COL24A1: variants seen among roughly 807,000 people sequenced by gnomAD.
COL24A1 encodes the protein collagen type XXIV alpha 1 chain.
In COL24A1, 224 loss-of-function variants were observed where a neutral mutation model predicts 253.9. That is an observed-to-expected ratio of 0.88 (90% CI 0.79 to 0.99). COL24A1 has a LOEUF of 0.99. Ranked by LOEUF, COL24A1 falls within the 50% of genes least tolerant of loss-of-function variation. The pLI is 0.00. For synonymous variants in COL24A1, 685 were observed against 673.7 expected (o/e 1.02, Z -0.26); for missense variants, 2,131 against 2,068.5 (o/e 1.03, Z -0.59).
Position 85,868,834 on chromosome 1 carries a change from C to T in COL24A1, c.3140G>A (p.Gly1047Asp), listed in dbSNP as rs1322684484. The change falls in exon 36 of 60, where the codon GGT becomes GAT. Residue 1047 changes from glycine to aspartate, a missense_variant and splice_region_variant. Physicochemically the swap from Gly to Asp is moderately conservative, Grantham distance 94. Coordinates refer to ENST00000370571, the MANE Select transcript of COL24A1 (RefSeq NM_152890.7). Reference protein sequence around the residue: ...VGGTGEPGLRGEPGAPGEEGL... With the variant: ...VGGTGEPGLRDEPGAPGEEGL... ...TTCTTCTCCAGGAGCTCCTGGTTCA[C>T]CCTATTTTGTAGCAGAAAGAGTATG... 1.1e-5 allele frequency: 17 copies of T among 1,584,766 alleles called. No individual in the cohort carries two copies. In the Admixed American group the frequency reaches 2.7e-4, roughly 25 times the overall value.
chr1:85,853,486 C>T (rs11161690), intron 37 of COL24A1, among the ~76,000 whole-genome samples: 8 of 152,124 alleles, frequency 5.3e-5, no homozygotes, highest in Non-Finnish European at 1.0e-4. Context: ...GGGTATATAC[C>T]CAGTAATGGG....
At chr1:85,912,822 A>C (rs1161589360) in intron 24 of COL24A1, among the ~76,000 whole-genome samples, 1 of 152,216 alleles carries the variant, frequency 6.6e-6, no homozygotes, top group Admixed American at 6.5e-5. Flanking sequence ...TAAATGTAAA[A>C]GACACCAGAT....
intron 28 of COL24A1, among the ~76,000 whole-genome samples, chr1:85,897,437 G>A (rs1683856881): frequency 6.6e-6 from 1 of 150,902 alleles, no homozygotes; most frequent in African/African-American, 2.5e-5. Context: ...AAGAAATAAA[G>A]TTTAGCTGGA....
intron 47 of COL24A1, among the ~76,000 whole-genome samples, chr1:85,788,019 C>T (rs1570616922): frequency 1.6e-5 from 2 of 127,346 alleles, no homozygotes; most frequent in Admixed American, 7.4e-5. Flanking sequence ...TTGTTGGCTG[C>T]ATGAATGTCT....
chr1:85,856,626 C>G (rs765543302), intron 37 of COL24A1, among the ~76,000 whole-genome samples: 6 of 152,128 alleles, frequency 3.9e-5, no homozygotes, highest in African/African-American at 1.4e-4. Flanking sequence ...AAACTTTACG[C>G]GTCCAAAACC....
intron 59 of COL24A1, among the ~76,000 whole-genome samples, chr1:85,731,139 A>G (rs1268904011): frequency 6.6e-6 from 1 of 152,240 alleles, no homozygotes; most frequent in Admixed American, 6.5e-5. Flanking sequence ...TCAGTCAGAA[A>G]TAGTTAAAAT....
intron 12 of COL24A1, among the ~76,000 whole-genome samples, chr1:86,035,876 T>TCC (rs1433643591): frequency 7.6e-4 from 116 of 152,172 alleles, no homozygotes; most frequent in African/African-American, 2.5e-3. Flanking sequence ...GAGAAACTGT[T>TCC]CTCTGGCTCA....
At position 85,786,351 on chromosome 1, in the gene COL24A1, T is replaced by C. The variant is rs1353272600; in HGVS notation, c.4059+3A>G. On this transcript the variant is annotated splice_donor_region_variant and intron_variant, in intron 48 of 59. Coordinates refer to ENST00000370571, the MANE Select transcript of COL24A1 (RefSeq NM_152890.7). ...TACCCATTGGAACAAAATATTAAAG[T>C]ACCTTTGGGCCTTGAATTCCTGGGC... is the stretch of plus-strand genomic sequence containing the variant. 2.5e-6 allele frequency: 4 copies of C among 1,612,930 alleles called. No individual in the cohort carries two copies. Among genetic ancestry groups the C allele is most frequent in the African/African-American group, 1.3e-5 (1 of 74,908 alleles).
chr1:85,865,881 A>G (rs1679731378), intron 37 of COL24A1, among the ~76,000 whole-genome samples: 1 of 152,214 alleles, frequency 6.6e-6, no homozygotes, highest in South Asian at 2.1e-4. Flanking sequence ...CCTCTAACAA[A>G]GATGAAAATT....
chr1:85,947,094 G>A (rs894949141), intron 24 of COL24A1, among the ~76,000 whole-genome samples: 1 of 152,132 alleles, frequency 6.6e-6, no homozygotes, highest in Non-Finnish European at 1.5e-5. Flanking sequence ...ATTTTCTTAT[G>A]GGTTACAAAT....
chr1:85,844,417 TCAAAAGGGAA>T (rs768764784), intron 39 of COL24A1, among the ~76,000 whole-genome samples: 4 of 151,962 alleles, frequency 2.6e-5, no homozygotes, highest in Non-Finnish European at 5.9e-5. Context: ...AAAGTGGCAC[TCAAAAGGGAA>T]CAGGTAGCTT....
At chr1:85,845,900 A>C (rs1570892731) in intron 39 of COL24A1, among the ~76,000 whole-genome samples, 1 of 151,872 alleles carries the variant, frequency 6.6e-6, no homozygotes, top group African/African-American at 2.4e-5. Flanking sequence ...CATTGAAGGA[A>C]ATTGAAAGTT....
At chr1:85,783,786 G>T (rs557532087) in intron 50 of COL24A1, among the ~76,000 whole-genome samples, 3 of 152,094 alleles carry the variant, frequency 2.0e-5, no homozygotes, top group Admixed American at 1.3e-4. Flanking sequence ...ATGCCAGCAG[G>T]GTAAAATGTT....
At chr1:85,804,055 A>G (rs909721869) in intron 47 of COL24A1, among the ~76,000 whole-genome samples, 2 of 152,218 alleles carry the variant, frequency 1.3e-5, no homozygotes, top group African/African-American at 4.8e-5. Flanking sequence ...AATTCAGGAG[A>G]TTCTGCAAAG....
In COL24A1 at chr1:85,894,108, G is replaced by A. The variant is rs981343163; in HGVS notation, c.2922+1750C>T. On this transcript the variant is annotated intron_variant, in intron 31 of 59. Transcript: ENST00000370571. ...TGCTGAAGGATCAAGTGAACCTTTG[G>A]GGCTTGTCTGGCTTTTTTCAGTTGA... Among the ~76,000 whole-genome samples, 8 of 152,128 alleles carry A rather than the reference G, an allele frequency of 5.3e-5. No homozygotes were observed. The East Asian group carries it at 1.5e-3, about 29-fold the overall frequency.
intron 32 of COL24A1, among the ~76,000 whole-genome samples, chr1:85,885,367 A>ATT (rs1184391947): frequency 1.5e-5 from 2 of 133,820 alleles, no homozygotes; most frequent in Non-Finnish European, 3.2e-5. Flanking sequence ...TGGCTGGCTA[A>ATT]TTTTTGTGTG....
chr1:85,797,105 G>A (rs1224674505), intron 47 of COL24A1, among the ~76,000 whole-genome samples: 1 of 151,010 alleles, frequency 6.6e-6, no homozygotes, highest in Non-Finnish European at 1.5e-5. Context: ...TACTCGGGAG[G>A]CTGACGCAGG....
intron 47 of COL24A1, among the ~76,000 whole-genome samples, chr1:85,804,302 A>G (rs1201968859): frequency 6.6e-6 from 1 of 152,220 alleles, no homozygotes; most frequent in Non-Finnish European, 1.5e-5. Flanking sequence ...CAACAAATCA[A>G]TAGATTTAAA....
chr1:85,996,792 G>A (rs879745905), intron 19 of COL24A1, among the ~76,000 whole-genome samples: 12 of 151,870 alleles, frequency 7.9e-5, no homozygotes, highest in Non-Finnish European at 1.0e-4. Context: ...TGTATATTCT[G>A]GAGACTGTTT....
Sources: gnomAD v4.1 joint callset for allele counts (sites outside exome capture counted in the v4.1 genomes callset) on GRCh38, gnomAD v4.1.1 for gene constraint, MANE v1.5 for transcripts, NCBI Gene and HGNC (gene_info 2026-07-23, HGNC 2026-07-21) for gene names.